The following CSMD1 variants were observed in gnomAD, a reference collection of about 807,000 sequenced individuals.
CSMD1 encodes the protein CUB and Sushi multiple domains 1.
CSMD1 carries 213 observed loss-of-function variants against 417.5 expected under a neutral mutation model. The observed-to-expected ratio is 0.51, with a 90% confidence interval of 0.46 to 0.57. The LOEUF (loss-of-function observed/expected upper bound fraction) is 0.57, where lower values mean the gene tolerates loss of function less well. Among genes scored for constraint, CSMD1 ranks in the 20% least tolerant of loss-of-function variants. The pLI is 0.00. For missense variants in CSMD1, 6,923 were observed against 4,529.7 expected (o/e 1.53, Z -15.17); for synonymous variants, 2,862 against 1,736.8 (o/e 1.65, Z -16.11).
chr8:4,700,293 A>G (rs1271123042), intron 1 of CSMD1, among the ~76,000 whole-genome samples: 2 of 152,034 alleles, frequency 1.3e-5, no homozygotes, highest in Admixed American at 6.5e-5. Flanking sequence ...AGTATTATAA[A>G]CCAACGTGAA....
At chr8:3,993,522 T>C (rs188144894) in intron 5 of CSMD1, among the ~76,000 whole-genome samples, 18 of 152,312 alleles carry the variant, frequency 1.2e-4, no homozygotes, top group Non-Finnish European at 1.3e-4. Context: ...ACCAATTAGA[T>C]TGACTTAATA....
At position 4,845,511 on chromosome 8, in the gene CSMD1, T is replaced by G. The variant is rs150244438; in HGVS notation, c.85+148821A>C. Among the ~76,000 whole-genome samples the G allele has an allele frequency of 2.0e-5, 3 of 152,338 alleles. No individual in the cohort carries two copies. In the East Asian group the frequency reaches 5.8e-4, roughly 29 times the overall value. On this transcript the variant is annotated intron_variant, in intron 1 of 69. Transcript: ENST00000635120. ...ATTCACCAATTTTGAAGTCACGTTC[T>G]CCTCAACTACGTATTTTGGCCACTG... is the stretch of plus-strand genomic sequence containing the variant.
chr8:4,991,658 C>G (rs1412395795), intron 1 of CSMD1, among the ~76,000 whole-genome samples: 1 of 152,090 alleles, frequency 6.6e-6, no homozygotes. Context: ...CCCTGGAGCG[C>G]GCTGCCGAGC....
intron 3 of CSMD1, among the ~76,000 whole-genome samples, chr8:4,338,950 A>T (rs767045516): frequency 6.6e-6 from 1 of 152,250 alleles, no homozygotes; most frequent in South Asian, 2.1e-4. Context: ...GTATCTGAAC[A>T]TAGGTCTGGG....
At chr8:4,353,396 G>A (rs1048490510) in intron 3 of CSMD1, among the ~76,000 whole-genome samples, 4 of 152,108 alleles carry the variant, frequency 2.6e-5, no homozygotes, top group African/African-American at 9.7e-5. Flanking sequence ...GTGGAACTGT[G>A]AGTCCACTAA....
At chr8:3,023,318 A>T (rs1321716952) in intron 51 of CSMD1, among the ~76,000 whole-genome samples, 1 of 152,220 alleles carries the variant, frequency 6.6e-6, no homozygotes, top group Non-Finnish European at 1.5e-5. Context: ...TGTGTATAAA[A>T]TTAAAAATGC....
intron 1 of CSMD1, among the ~76,000 whole-genome samples, chr8:4,921,618 A>G (rs1190407958): frequency 6.6e-6 from 1 of 152,222 alleles, no homozygotes; most frequent in Non-Finnish European, 1.5e-5. Context: ...TATTTTACTC[A>G]GATAATGGAA....
chr8:4,188,313 C>T (rs6996352), intron 3 of CSMD1, among the ~76,000 whole-genome samples: 21,964 of 152,108 alleles, frequency 0.14, 1,821 homozygotes, highest in East Asian at 0.28. Context: ...AAATCGCTCA[C>T]GTGGTTTTCT....
At chr8:4,314,528 T>C (rs974757274) in intron 3 of CSMD1, among the ~76,000 whole-genome samples, 1 of 152,154 alleles carries the variant, frequency 6.6e-6, no homozygotes, top group African/African-American at 2.4e-5. Context: ...TTGGGATTTC[T>C]CCCGAAATAC....
intron 2 of CSMD1, among the ~76,000 whole-genome samples, chr8:4,454,792 A>C (rs1421263593): frequency 6.6e-6 from 1 of 152,264 alleles, no homozygotes; most frequent in Non-Finnish European, 1.5e-5. Flanking sequence ...CACTTAAGCT[A>C]CAACTAGAAG....
At chr8:3,061,636 C>T (rs1265974802) in intron 49 of CSMD1, among the ~76,000 whole-genome samples, 1 of 152,302 alleles carries the variant, frequency 6.6e-6, no homozygotes, top group South Asian at 2.1e-4. Flanking sequence ...CAATAAAGCA[C>T]TGACCCCATG....
At chr8:3,887,072 C>G (rs756292199) in intron 5 of CSMD1, among the ~76,000 whole-genome samples, 3 of 152,190 alleles carry the variant, frequency 2.0e-5, no homozygotes, top group African/African-American at 4.8e-5. Flanking sequence ...CATCAAGACA[C>G]AATCCCACTC....
At chr8:2,993,219 C>G (rs543041182) in intron 54 of CSMD1, among the ~76,000 whole-genome samples, 3 of 152,232 alleles carry the variant, frequency 2.0e-5, no homozygotes, top group African/African-American at 7.2e-5. Context: ...GTATAAAGGC[C>G]ACTTCTAGTT....
intron 2 of CSMD1, among the ~76,000 whole-genome samples, chr8:4,471,691 G>A (rs372215998): frequency 2.0e-5 from 3 of 152,162 alleles, no homozygotes; most frequent in Non-Finnish European, 2.9e-5. Flanking sequence ...CGAACGCAGA[G>A]AGAACACGAC....
At chr8:3,118,267 T>G (rs1355829622) in intron 42 of CSMD1, 132 bp downstream of exon 42, 2 of 687,968 alleles carry the variant, frequency 2.9e-6, no homozygotes, top group Non-Finnish European at 4.7e-6. Flanking sequence ...GTGGAGTGAG[T>G]AAAACATAAT....
intron 1 of CSMD1, among the ~76,000 whole-genome samples, chr8:4,726,539 C>A (rs1033919142): frequency 2.0e-5 from 3 of 152,108 alleles, no homozygotes; most frequent in Admixed American, 1.3e-4. Flanking sequence ...ACAAGCAGTG[C>A]TAACCAGAGG....
chr8:3,060,429 T>A (rs1181746831), intron 49 of CSMD1, among the ~76,000 whole-genome samples: 1 of 152,164 alleles, frequency 6.6e-6, no homozygotes, highest in Non-Finnish European at 1.5e-5. Context: ...ACTCAAGTGA[T>A]CCACCCACCT....
At chr8:3,667,422 G>A (rs1417981026) in intron 7 of CSMD1, among the ~76,000 whole-genome samples, 1 of 151,320 alleles carries the variant, frequency 6.6e-6, no homozygotes, top group African/African-American at 2.4e-5. Context: ...TCTTGGGGAA[G>A]AGATTTTGGA....
At chr8:3,838,409 G>GAC (rs1802845673) in intron 5 of CSMD1, among the ~76,000 whole-genome samples, 1 of 149,510 alleles carries the variant, frequency 6.7e-6, no homozygotes, top group African/African-American at 2.5e-5. Flanking sequence ...TATATATATA[G>GAC]AGAGAGACTA....
Sources: gnomAD v4.1 joint callset for allele counts (sites outside exome capture counted in the v4.1 genomes callset) on GRCh38, gnomAD v4.1.1 for gene constraint, MANE v1.5 for transcripts, NCBI Gene and HGNC (gene_info 2026-07-23, HGNC 2026-07-21) for gene names.